The following TECTA variants were observed in gnomAD, a reference collection of about 807,000 sequenced individuals.
TECTA encodes alpha-tectorin.
Under a neutral mutation model 216.8 loss-of-function variants are expected in TECTA, and 128 were observed. The observed-to-expected ratio is 0.59, with a 90% CI of 0.51 to 0.68. TECTA has a LOEUF of 0.68. TECTA is among the 30% of genes least tolerant of loss of function. The pLI, the probability that TECTA is intolerant of heterozygous loss-of-function variation, is 0.00. For missense variants in TECTA, 2,551 were observed against 2,786.2 expected (o/e 0.92, Z 1.90); for synonymous variants, 1,089 against 1,117.1 (o/e 0.97, Z 0.50).
At chr11:121,166,115 T>A (rs1162489982) in intron 17 of TECTA, among the ~76,000 whole-genome samples, 1 of 152,172 alleles carries the variant, frequency 6.6e-6, no homozygotes, top group Non-Finnish European at 1.5e-5. Flanking sequence ...TGCCTTGCCA[T>A]GTCAAAAAGC....
intron 11 of TECTA, among the ~76,000 whole-genome samples, chr11:121,144,278 A>G (rs1946813137): frequency 6.6e-6 from 1 of 152,176 alleles, no homozygotes; most frequent in South Asian, 2.1e-4. Context: ...TATTGGATTA[A>G]CTGCTTTCAA....
At chr11:121,157,533 C>G (rs992697267) in intron 13 of TECTA, among the ~76,000 whole-genome samples, 2 of 152,152 alleles carry the variant, frequency 1.3e-5, no homozygotes, top group African/African-American at 4.8e-5. Context: ...TTCCGGGTTA[C>G]TTACAGTGAT....
chr11:121,128,280 G>C lies in TECTA; in HGVS notation c.2303G>C (p.Gly768Ala), dbSNP rs771461405. Residue 768 changes from glycine to alanine, a missense_variant, in exon 9 of 24, where the codon GGA becomes GCA. Physicochemically the swap from Gly to Ala is moderately conservative, Grantham distance 60. Coordinates refer to ENST00000392793, the MANE Select transcript of TECTA (RefSeq NM_005422.4). ...KPDAGPAWLR[G>A]LRILVADQEV... Reference sequence around the variant, plus strand: ...GATGCAGGACCTGCTTGGCTGCGGGGACTTCGGATCCTGGTGGCCGACCAG... The same window carrying C: ...GATGCAGGACCTGCTTGGCTGCGGGCACTTCGGATCCTGGTGGCCGACCAG... 1.1e-5 allele frequency: 17 copies of C among 1,599,714 alleles called. No individual in the cohort carries two copies. The highest frequency in any genetic ancestry group is 1.4e-5 in the Non-Finnish European group (16 of 1,179,964).
rs1947055326 is a variant in TECTA, at chr11:121,166,597, T to C, written c.5403T>C (p.Asp1801=). 2 of 1,614,236 alleles carry C rather than the reference T, an allele frequency of 1.2e-6. No individual in the cohort carries two copies. Among genetic ancestry groups the C allele is most frequent in the East Asian group, 4.5e-5 (2 of 44,882 alleles). Residue 1801 remains aspartate, a synonymous_variant, in exon 18 of 24, where the codon GAT becomes GAC. Transcript: ENST00000392793. ...PYGNNSHDII[D]AEVTCKAAQM... ...CCACAGACTCACATGACATTATCGA[T>C]GCAGAGGTGACCTGCAAAGCAGCCC...
intron 1 of TECTA, among the ~76,000 whole-genome samples, chr11:121,101,920 A>G (rs1413826235): frequency 6.6e-6 from 1 of 152,220 alleles, no homozygotes; most frequent in Non-Finnish European, 1.5e-5. Flanking sequence ...ATTGTAAACT[A>G]ACACGAAAAC....
Position 121,187,836 on chromosome 11 carries a change from C to T in TECTA, c.6004C>T (p.Gln2002Ter). Residue 2002 changes from glutamine to a stop codon, truncating the protein, a stop_gained, in exon 21 of 24, where the codon CAG becomes TAG. Transcript: ENST00000392793. LOFTEE classifies it high-confidence loss of function. ...LRYFIIEGGCQNLKDNTIGIE... is the reference protein window; with the variant it reads ...LRYFIIEGGC ...TCCATTATTTTTTCTGAATAGGTGT[C>T]AGAACCTCAAAGATAACACCATTGG... 6.2e-7 allele frequency: 1 copy of T among 1,614,206 alleles called. No individual in the cohort carries two copies. The highest frequency in any genetic ancestry group is 8.5e-7 in the Non-Finnish European group (1 of 1,180,032).
chr11:121,166,830 G>C lies in TECTA; in HGVS notation c.5586+50G>C, dbSNP rs144780537. Reference sequence around the variant, plus strand: ...ACCTGGCAGAGGCAGCGACAGCTTCGAGTGTTTGCACATTTATTGTCCTGA... The same window carrying C: ...ACCTGGCAGAGGCAGCGACAGCTTCCAGTGTTTGCACATTTATTGTCCTGA... On this transcript the variant is annotated intron_variant, in intron 18 of 23. Coordinates refer to ENST00000392793, the MANE Select transcript of TECTA (RefSeq NM_005422.4). 6.0e-4 allele frequency: 961 copies of C among 1,603,546 alleles called. 7 individuals carry two copies. In the African/African-American group the frequency reaches 8.7e-3, roughly 15 times the overall value.
intron 20 of TECTA, among the ~76,000 whole-genome samples, chr11:121,170,990 A>G (rs1208806014): frequency 2.0e-5 from 3 of 152,108 alleles, no homozygotes. Context: ...AATCTTACCC[A>G]TAAAATATTT....
rs766297094 is a variant in TECTA, at chr11:121,168,102, G to A, written c.5635G>A (p.Ala1879Thr). 25 of 1,614,026 alleles carry A rather than the reference G, an allele frequency of 1.5e-5. No homozygotes were observed. Among genetic ancestry groups the A allele is most frequent in the African/African-American group, 5.3e-5 (4 of 74,904 alleles). Residue 1879 changes from alanine to threonine, a missense_variant, in exon 19 of 24, where the codon GCC becomes ACC. Physicochemically the swap from Ala to Thr is moderately conservative, Grantham distance 58. Coordinates refer to ENST00000392793, the MANE Select transcript of TECTA (RefSeq NM_005422.4). Reference protein sequence around the residue: ...MYKNTLWIESANNTGNIITRD... With the variant: ...MYKNTLWIESTNNTGNIITRD... ...TAAAAACACACTCTGGATCGAAAGC[G>A]CCAACAACACTGGCAACATCATCAC... is the stretch of plus-strand genomic sequence containing the variant.
In TECTA at chr11:121,166,682, G is replaced by A. The variant is rs189181502; in HGVS notation, c.5488G>A (p.Val1830Met). 182 of 1,614,186 alleles carry A rather than the reference G, an allele frequency of 1.1e-4. 1 individual carries two copies. In the East Asian group the frequency reaches 3.0e-3, roughly 27 times the overall value. Residue 1830 changes from valine (V) to methionine (M), a missense_variant, in exon 18 of 24, where the codon GTG becomes ATG. Transcript: ENST00000392793. Reference sequence around the variant, plus strand: ...CCAGCTCGGTTTTGAGAGGGAGGGCGTGAGGATCAATGACAGACAGTGCAC... The same window carrying A: ...CCAGCTCGGTTTTGAGAGGGAGGGCATGAGGATCAATGACAGACAGTGCAC... ...LFQLGFEREG[V>M]RINDRQCTGI...
chr11:121,143,526 C>T (rs1946804217), intron 11 of TECTA, among the ~76,000 whole-genome samples: 1 of 152,170 alleles, frequency 6.6e-6, no homozygotes, highest in African/African-American at 2.4e-5. Flanking sequence ...TCTATCTTTG[C>T]TTTTATCACA....
chr11:121,184,855 G>C lies in TECTA; in HGVS notation c.6000-2977G>C, dbSNP rs887369367. Among the ~76,000 whole-genome samples the C allele has an allele frequency of 3.3e-5, 5 of 152,216 alleles. No homozygotes were observed. In the East Asian group the frequency reaches 9.6e-4, roughly 29 times the overall value. ...CCTCCTCAAAGGGAAAGGGAGGGAC[G>C]TGGTGACTACTTGGTGTCCTGCAGG... On this transcript the variant is annotated intron_variant, in intron 20 of 23. Coordinates refer to ENST00000392793, the MANE Select transcript of TECTA (RefSeq NM_005422.4).
At chr11:121,140,366 A>C (rs1454500905) in intron 11 of TECTA, among the ~76,000 whole-genome samples, 1 of 152,124 alleles carries the variant, frequency 6.6e-6, no homozygotes, top group Non-Finnish European at 1.5e-5. Context: ...TTTAGGGTTA[A>C]GCCCCCAGTG....
intron 20 of TECTA, among the ~76,000 whole-genome samples, chr11:121,172,465 T>C (rs887956690): frequency 6.6e-6 from 1 of 152,094 alleles, no homozygotes; most frequent in Admixed American, 6.5e-5. Flanking sequence ...TGTGATAGTT[T>C]ACTGAGAATG....
At chr11:121,138,856 G>T (rs2135097784) in intron 11 of TECTA, among the ~76,000 whole-genome samples, 1 of 152,244 alleles carries the variant, frequency 6.6e-6, no homozygotes, top group Middle Eastern at 3.4e-3. Flanking sequence ...GCTGATTTAG[G>T]GTGCTTGCCT....
Position 121,128,056 on chromosome 11 carries a change from G to A in TECTA, c.2079G>A (p.Gly693=), listed in dbSNP as rs752767827. 4 of 1,612,566 alleles carry A rather than the reference G, an allele frequency of 2.5e-6. No homozygotes were observed. The highest frequency in any genetic ancestry group is 1.1e-5 in the South Asian group (1 of 91,068). The change falls in exon 9 of 24, where the codon GGG becomes GGA. Residue 693 remains glycine, a synonymous_variant. Transcript: ENST00000392793. ...GCTTCAACAAGACCTGCGGCAGCGGGGAGGTGTGCGCCGTGGAGGACGGCT... is the reference window on the plus strand; with the variant it reads ...GCTTCAACAAGACCTGCGGCAGCGGAGAGGTGTGCGCCGTGGAGGACGGCT... ...VYCFNKTCGS[G]EVCAVEDGYQ...
chr11:121,145,360 A>G (rs754899396), intron 11 of TECTA, among the ~76,000 whole-genome samples, 195 bp from the exon 12 acceptor site: 5 of 152,250 alleles, frequency 3.3e-5, no homozygotes, highest in Non-Finnish European at 5.9e-5. Flanking sequence ...TTAGTGTACC[A>G]AGGATAGTCA....
chr11:121,158,282 G>A (rs1946965052), intron 14 of TECTA, 58 bp downstream of exon 14: 1 of 1,599,582 alleles, frequency 6.3e-7, no homozygotes, highest in African/African-American at 1.3e-5. Context: ...GTTGGCTAGG[G>A]GACTGTGTAG....
chr11:121,190,651 A>C, intron 23 of TECTA, 55 bp from the exon 24 acceptor site: 1 of 1,343,004 alleles, frequency 7.4e-7, no homozygotes, highest in South Asian at 1.2e-5. Flanking sequence ...TCTGATCCCT[A>C]TCAAACAGGT....
Sources: allele counts gnomAD v4.1 joint callset (sites outside exome capture counted in the v4.1 genomes callset), GRCh38; gene constraint gnomAD v4.1.1; transcripts MANE v1.5; gene names NCBI Gene and HGNC (gene_info 2026-07-23, HGNC 2026-07-21).